CAMK1D: variants seen among roughly 807,000 people sequenced by gnomAD.
The protein encoded by CAMK1D is calcium/calmodulin-dependent protein kinase type 1D.
Under a neutral mutation model 47.7 loss-of-function variants are expected in CAMK1D, and 9 were observed. That is an observed-to-expected ratio of 0.19 (90% CI 0.11 to 0.33). CAMK1D has a LOEUF of 0.33. Ranked by LOEUF, CAMK1D falls within the 10% of genes least tolerant of loss-of-function variation. The pLI, the probability that CAMK1D is intolerant of heterozygous loss-of-function variation, is 1.00. For synonymous variants in CAMK1D, 184 were observed against 184.9 expected (o/e 0.99, Z 0.04); for missense variants, 291 against 488.7 (o/e 0.60, Z 3.81).
At chr10:12,514,982 C>T (rs1190848155) in intron 1 of CAMK1D, among the ~76,000 whole-genome samples, 1 of 152,064 alleles carries the variant, frequency 6.6e-6, no homozygotes, top group Non-Finnish European at 1.5e-5. Flanking sequence ...TCCTGACTAG[C>T]TGGGACTACA....
intron 2 of CAMK1D, among the ~76,000 whole-genome samples, chr10:12,612,752 G>A (rs1380928461): frequency 6.6e-6 from 1 of 152,096 alleles, no homozygotes; most frequent in African/African-American, 2.4e-5. Flanking sequence ...ATGAACAGCT[G>A]GAACCATATG....
At chr10:12,760,874 T>A (rs895876538) in intron 3 of CAMK1D, 74 bp from the exon 4 acceptor site, 1 of 1,532,910 alleles carries the variant, frequency 6.5e-7, no homozygotes, top group Non-Finnish European at 8.9e-7. Flanking sequence ...GTTTGGGATT[T>A]TTTTCACATT....
At chr10:12,643,070 C>T (rs558658519) in intron 2 of CAMK1D, among the ~76,000 whole-genome samples, 1 of 152,274 alleles carries the variant, frequency 6.6e-6, no homozygotes, top group South Asian at 2.1e-4. Flanking sequence ...GGCGTGATCT[C>T]AGCTCACTGC....
chr10:12,828,249 C>CA (rs1055694051), intron 10 of CAMK1D, among the ~76,000 whole-genome samples: 5 of 151,412 alleles, frequency 3.3e-5, no homozygotes, highest in Admixed American at 6.6e-5. Flanking sequence ...AAAATTACAC[C>CA]AAAAAAAAGG....
chr10:12,412,122 A>C (rs1325739939), intron 1 of CAMK1D, among the ~76,000 whole-genome samples: 1 of 152,072 alleles, frequency 6.6e-6, no homozygotes, highest in Non-Finnish European at 1.5e-5. Context: ...TTCTTTTCCC[A>C]CCATTTTACA....
At chr10:12,745,695 T>C (rs929001826) in intron 3 of CAMK1D, among the ~76,000 whole-genome samples, 2 of 151,578 alleles carry the variant, frequency 1.3e-5, no homozygotes, top group African/African-American at 4.9e-5. Flanking sequence ...CTCCGCCTCC[T>C]GGGTTCAAAC....
chr10:12,419,516 T>C (rs1839974441), intron 1 of CAMK1D, among the ~76,000 whole-genome samples: 1 of 152,112 alleles, frequency 6.6e-6, no homozygotes, highest in Admixed American at 6.5e-5. Flanking sequence ...AGGGCACATA[T>C]TAGACATGAG....
intron 10 of CAMK1D, among the ~76,000 whole-genome samples, chr10:12,827,366 C>CTT (rs1156846501): frequency 1.1e-4 from 5 of 43,484 alleles, no homozygotes; most frequent in Admixed American, 2.5e-4. Context: ...TTCTTTCTTT[C>CTT]TCTTTCTTTC....
intron 8 of CAMK1D, among the ~76,000 whole-genome samples, chr10:12,818,106 C>T (rs1209000886): frequency 2.0e-5 from 3 of 152,072 alleles, no homozygotes; most frequent in African/African-American, 7.2e-5. Context: ...AGAAAATCCC[C>T]CTAAAAATTA....
intron 3 of CAMK1D, among the ~76,000 whole-genome samples, chr10:12,681,678 A>G (rs1190077603): frequency 6.6e-6 from 1 of 152,252 alleles, no homozygotes; most frequent in Admixed American, 6.5e-5. Context: ...TTGAAGAAGT[A>G]CACTGGAAGT....
intron 1 of CAMK1D, among the ~76,000 whole-genome samples, chr10:12,467,563 T>G (rs1027013586): frequency 1.3e-5 from 2 of 152,304 alleles, no homozygotes; most frequent in South Asian, 2.1e-4. Flanking sequence ...ATGCACTGAA[T>G]GTCAAAATAT....
intron 1 of CAMK1D, among the ~76,000 whole-genome samples, chr10:12,436,601 A>G (rs1832640114): frequency 6.6e-6 from 1 of 152,216 alleles, no homozygotes; most frequent in African/African-American, 2.4e-5. Flanking sequence ...GGGAAGCCTG[A>G]CATTCTAATC....
chr10:12,600,977 C>A (rs149645545), intron 2 of CAMK1D, among the ~76,000 whole-genome samples: 59 of 152,314 alleles, frequency 3.9e-4, no homozygotes, highest in African/African-American at 1.2e-3. Flanking sequence ...TTTTTTATGG[C>A]TGAATAGTGT....
chr10:12,604,981 G>A (rs57249350), intron 2 of CAMK1D, among the ~76,000 whole-genome samples: 32,373 of 151,368 alleles, frequency 0.21, 3,918 homozygotes, highest in South Asian at 0.29. Context: ...TCTGCCTCCT[G>A]GGTTCAAGTG....
intron 1 of CAMK1D, among the ~76,000 whole-genome samples, chr10:12,522,179 A>T: frequency 7.6e-6 from 1 of 132,256 alleles, no homozygotes. Context: ...TTTGTGTTAT[A>T]TGATATATTT....
intron 2 of CAMK1D, among the ~76,000 whole-genome samples, chr10:12,648,432 T>C (rs748088378): frequency 6.6e-6 from 1 of 152,204 alleles, no homozygotes; most frequent in African/African-American, 2.4e-5. Flanking sequence ...CTCCGCTAGA[T>C]GGACTTCAGT....
At chr10:12,633,593 G>C (rs1426695203) in intron 2 of CAMK1D, among the ~76,000 whole-genome samples, 1 of 152,160 alleles carries the variant, frequency 6.6e-6, no homozygotes, top group Non-Finnish European at 1.5e-5. Context: ...ATCTCACTCT[G>C]TTGCCCAGGC....
intron 2 of CAMK1D, among the ~76,000 whole-genome samples, chr10:12,614,163 G>A (rs1008720946): frequency 1.3e-5 from 2 of 152,198 alleles, no homozygotes; most frequent in African/African-American, 4.8e-5. Flanking sequence ...GGACCTCTCT[G>A]AGTCTCGGTT....
intron 1 of CAMK1D, among the ~76,000 whole-genome samples, chr10:12,549,261 C>G (rs1836502273): frequency 6.6e-6 from 1 of 152,232 alleles, no homozygotes; most frequent in South Asian, 2.1e-4. Context: ...TACTTTCTTT[C>G]TCTATGAATT....
Sources: gnomAD v4.1 joint callset for allele counts (sites outside exome capture counted in the v4.1 genomes callset) on GRCh38, gnomAD v4.1.1 for gene constraint, MANE v1.5 for transcripts, NCBI Gene and HGNC (gene_info 2026-07-23, HGNC 2026-07-21) for gene names.